Variants in FARP1 observed in about 807,000 individuals in gnomAD.
FARP1 encodes the protein FERM, ARHGEF and pleckstrin domain-containing protein 1.
In FARP1, 52 loss-of-function variants were observed where a neutral mutation model predicts 128.8. That is an observed-to-expected ratio of 0.40 (90% CI 0.32 to 0.51). FARP1 has a LOEUF of 0.51. Among genes scored for constraint, FARP1 ranks in the 20% least tolerant of loss-of-function variants. FARP1 has a pLI of 0.45. For synonymous variants in FARP1, 580 were observed against 551.8 expected, an observed-to-expected ratio of 1.05 and a Z score of -0.72; for missense variants, 1,333 against 1,367.9, an observed-to-expected ratio of 0.97 and a Z score of 0.40.
At chr13:98,265,577 C>T (rs1884076785) in intron 2 of FARP1, among the ~76,000 whole-genome samples, 1 of 151,928 alleles carries the variant, frequency 6.6e-6, no homozygotes, top group South Asian at 2.1e-4. Context: ...CCTTGGCCTC[C>T]CAAAGTGCTG....
At chr13:98,293,049 T>G (rs917140452) in intron 2 of FARP1, among the ~76,000 whole-genome samples, 3 of 152,092 alleles carry the variant, frequency 2.0e-5, no homozygotes, top group Non-Finnish European at 4.4e-5. Context: ...GAGTGAATTT[T>G]GAAAGTCCCC....
chr13:98,270,413 T>G (rs561562322), intron 2 of FARP1, among the ~76,000 whole-genome samples: 3 of 152,376 alleles, frequency 2.0e-5, no homozygotes, highest in African/African-American at 7.2e-5. Flanking sequence ...CATGTAAGAT[T>G]GCACATCTGG....
intron 2 of FARP1, among the ~76,000 whole-genome samples, chr13:98,288,977 T>C (rs1885325496): frequency 6.6e-6 from 1 of 152,096 alleles, no homozygotes; most frequent in Non-Finnish European, 1.5e-5. Flanking sequence ...GCTTTTTTTT[T>C]TTTTTTTCTG....
At chr13:98,217,825 T>C (rs1881172401) in intron 2 of FARP1, among the ~76,000 whole-genome samples, 1 of 152,222 alleles carries the variant, frequency 6.6e-6, no homozygotes, top group Non-Finnish European at 1.5e-5. Context: ...CATCATATCC[T>C]ACGCCGCAGC....
chr13:98,376,759 GTTTT>G (rs34686053), intron 5 of FARP1, among the ~76,000 whole-genome samples: 1,662 of 103,466 alleles, frequency 0.016, 35 homozygotes, highest in African/African-American at 0.054. Flanking sequence ...GGTTTTTTGT[GTTTT>G]TTTTTTTTTT....
At chr13:98,284,972 A>T (rs1885095433) in intron 2 of FARP1, among the ~76,000 whole-genome samples, 1 of 152,180 alleles carries the variant, frequency 6.6e-6, no homozygotes, top group South Asian at 2.1e-4. Flanking sequence ...TGAAAGCCAC[A>T]CAGAGTCTGT....
At chr13:98,439,234 CGGG>C in intron 21 of FARP1, 38 bp downstream of exon 21, 1 of 1,466,932 alleles carries the variant, frequency 6.8e-7, no homozygotes, top group African/African-American at 1.4e-5. Flanking sequence ...GGCCTGTCCT[CGGG>C]GGCAGCAGGT....
intron 26 of FARP1, 130 bp from the exon 27 acceptor site, chr13:98,448,106 C>T (rs1658362032): frequency 2.7e-6 from 2 of 750,498 alleles, no homozygotes; most frequent in Non-Finnish European, 4.7e-6. Context: ...TTCCCTTGCT[C>T]TTCTGCTGAA....
rs781539062 is a variant in FARP1, at chr13:98,440,771, A to G, written c.2731A>G (p.Met911Val). 17 of 1,613,120 alleles carry G rather than the reference A, an allele frequency of 1.1e-5. No homozygotes were observed. The highest frequency in any genetic ancestry group is 8.0e-5 in the African/African-American group (6 of 74,950). ...ERQAPHRGNTMVHVCWHRNTS... is the reference protein window; with the variant it reads ...ERQAPHRGNTVVHVCWHRNTS... ...CCAGGCCCCGCACCGCGGCAACACA[A>G]TGGTGCACGTGTGCTGGCACCGCAA... Residue 911 changes from methionine to valine, a missense_variant, in exon 24 of 27, where the codon ATG becomes GTG. This residue lies in a region of FARP1 where 1,009 missense variants were observed against 969.8 expected (regional missense o/e 1.04). Transcript: ENST00000319562.
intron 1 of FARP1, among the ~76,000 whole-genome samples, chr13:98,157,454 GCCTA>G (rs1347215102): frequency 1.3e-5 from 2 of 152,008 alleles, no homozygotes; most frequent in African/African-American, 2.4e-5. Flanking sequence ...TCCAGTCCCT[GCCTA>G]CCTCCTTCCA....
At chr13:98,370,082 A>C (rs61103339) in intron 5 of FARP1, among the ~76,000 whole-genome samples, 1,690 of 152,352 alleles carry the variant, frequency 0.011, 26 homozygotes, top group African/African-American at 0.039. Flanking sequence ...AGAACTCTTT[A>C]GGTAATTGAA....
At chr13:98,376,759 GTTT>G (rs34686053) in intron 5 of FARP1, among the ~76,000 whole-genome samples, 13,136 of 103,760 alleles carry the variant, frequency 0.13, 544 homozygotes, top group African/African-American at 0.14. Context: ...GGTTTTTTGT[GTTT>G]TTTTTTTTTT....
rs1346632786 is a variant in FARP1, at chr13:98,343,840, G to A, written c.250G>A (p.Glu84Lys). The A allele has an allele frequency of 3.1e-6, 5 of 1,612,366 alleles. No homozygotes were observed. The highest frequency in any genetic ancestry group is 4.2e-6 in the Non-Finnish European group (5 of 1,179,264). The stretch of plus-strand genomic sequence containing the variant: ...CGTGGAAGGTGACTATTTTGGCCTC[G>A]AGTTTCCTGATCACAAAAAGATCAC... Reference protein sequence around the residue: ...NLVEGDYFGLEFPDHKKITVW... With the variant: ...NLVEGDYFGLKFPDHKKITVW... Residue 84 changes from glutamate to lysine, a missense_variant, in exon 3 of 27, where the codon GAG (glutamate) becomes AAG (lysine). By Grantham distance (56) the Glu-to-Lys change is moderately conservative (BLOSUM62 1). Transcript: ENST00000319562.
intron 13 of FARP1, chr13:98,399,633 T>C (rs1890683874): frequency 6.6e-6 from 1 of 152,152 alleles, no homozygotes; most frequent in Non-Finnish European, 1.5e-5. Context: ...ATAGCTAGTG[T>C]AGGGGTCTCC....
intron 25 of FARP1, 33 bp from the exon 26 acceptor site, chr13:98,446,633 G>T (rs552093644): frequency 1.9e-6 from 3 of 1,610,540 alleles, no homozygotes; most frequent in Admixed American, 1.7e-5. Flanking sequence ...AGCTGACCCC[G>T]AAAAGCCACT....
At chr13:98,194,539 A>G (rs1042949954) in intron 1 of FARP1, among the ~76,000 whole-genome samples, 6 of 152,216 alleles carry the variant, frequency 3.9e-5, no homozygotes, top group Non-Finnish European at 8.8e-5. Context: ...CCAAGGTCTG[A>G]TTTTGCAGTT....
intron 1 of FARP1, among the ~76,000 whole-genome samples, chr13:98,204,800 CTGG>C (rs1287856167): frequency 6.6e-6 from 1 of 151,994 alleles, no homozygotes; most frequent in Non-Finnish European, 1.5e-5. Flanking sequence ...TGCATACTAA[CTGG>C]TGGTGGTGGT....
intron 17 of FARP1, among the ~76,000 whole-genome samples, chr13:98,427,760 A>G (rs1248352416): frequency 6.6e-6 from 1 of 152,158 alleles, no homozygotes; most frequent in East Asian, 1.9e-4. Context: ...TTCTGCATTC[A>G]GCCAGCTTCC....
chr13:98,408,822 C>G (rs1393478723), intron 13 of FARP1, among the ~76,000 whole-genome samples: 2 of 152,220 alleles, frequency 1.3e-5, no homozygotes. Context: ...CCAGGTATAA[C>G]AAGCTTGCTT....
Sources: gnomAD v4.1 joint callset for allele counts (sites outside exome capture counted in the v4.1 genomes callset) on GRCh38, gnomAD v4.1.1 for gene constraint, gnomAD v4.1.1 regional missense constraint, MANE v1.5 for transcripts, NCBI Gene and HGNC (gene_info 2026-07-23, HGNC 2026-07-21) for gene names.